CENPP: variants seen among roughly 807,000 people sequenced by gnomAD.
CENPP encodes the protein centromere protein P.
Under a neutral mutation model 35.6 loss-of-function variants are expected in CENPP, and 24 were observed. The ratio of observed to expected loss-of-function variants is 0.67; its 90% CI spans 0.49 to 0.95. The LOEUF (loss-of-function observed/expected upper bound fraction) is 0.95, where lower values mean the gene tolerates loss of function less well. Among genes scored for constraint, CENPP ranks in the 40% least tolerant of loss-of-function variants. The pLI, the probability that CENPP is intolerant of heterozygous loss-of-function variation, is 0.00. For missense variants in CENPP, 332 were observed against 345.3 expected (o/e 0.96, Z 0.31); for synonymous variants, 120 against 125.5 (o/e 0.96, Z 0.29).
intron 5 of CENPP, chr9:92,416,647 G>T: frequency 6.3e-7 from 1 of 1,594,586 alleles, no homozygotes; most frequent in Non-Finnish European, 8.5e-7. Flanking sequence ...GTAGGTATAG[G>T]TGTTCCAAAT....
intron 5 of CENPP, among the ~76,000 whole-genome samples, chr9:92,533,345 A>ATATATATATATATATATATATATATATG (rs1848975677): frequency 7.8e-6 from 1 of 128,248 alleles, no homozygotes; most frequent in Non-Finnish European, 1.6e-5. Context: ...ATATATATAT[A>ATATATATATATATATATATATATATATG]TATATATATA....
At position 92,345,804 on chromosome 9, in the gene CENPP, A is replaced by G; in HGVS notation, c.467+17A>G. On this transcript the variant is annotated intron_variant, in intron 4 of 7. Transcript: ENST00000375587. ...TGTGTCTAGGTAAGCTATTTTACAA[A>G]CTTACTTTTTTAGAGAAAAAAAGTA... The G allele has an allele frequency of 6.7e-7, 1 of 1,501,546 alleles. No individual in the cohort carries two copies. The highest frequency in any genetic ancestry group is 9.2e-7 in the Non-Finnish European group (1 of 1,088,148). The allele number at this position is 1,501,546 out of a possible 1,614,324, so 93.0% of individuals were successfully genotyped here. A position where few individuals can be genotyped will look rare whatever the true frequency, so the allele number is the denominator to read the frequency against.
chr9:92,382,777 C>G (rs750916441), intron 5 of CENPP, among the ~76,000 whole-genome samples: 8 of 150,048 alleles, frequency 5.3e-5, no homozygotes, highest in Non-Finnish European at 8.9e-5. Flanking sequence ...ACTGAATGGT[C>G]TTTGTACTTT....
chr9:92,423,021 A>ATGAT (rs3996296), intron 5 of CENPP, among the ~76,000 whole-genome samples: 67,083 of 151,656 alleles, frequency 0.44, 17,036 homozygotes, highest in African/African-American at 0.7. Context: ...TGTTGAATGA[A>ATGAT]TAAGTTAATA....
At chr9:92,352,505 G>GTGTGTATATATATATATATA in intron 4 of CENPP, among the ~76,000 whole-genome samples, 5 of 49,786 alleles carry the variant, frequency 1.0e-4, no homozygotes, top group African/African-American at 5.4e-4. Context: ...GTGTGTGTGT[G>GTGTGTATATATATATATATA]TATACATATA....
At chr9:92,350,636 G>T (rs571083727) in intron 4 of CENPP, among the ~76,000 whole-genome samples, 1 of 152,128 alleles carries the variant, frequency 6.6e-6, no homozygotes, top group Non-Finnish European at 1.5e-5. Flanking sequence ...GCCTTTAAGC[G>T]TGAATGAACT....
intron 5 of CENPP, among the ~76,000 whole-genome samples, chr9:92,443,053 C>T (rs1382519232): frequency 1.3e-5 from 2 of 151,954 alleles, no homozygotes; most frequent in African/African-American, 4.8e-5. Flanking sequence ...TATACTGGAG[C>T]TCCTAGCAGT....
At chr9:92,536,050 T>C (rs1378417153) in intron 5 of CENPP, 5 of 500,866 alleles carry the variant, frequency 1.0e-5, no homozygotes, top group Non-Finnish European at 2.0e-5. Context: ...TGTTGAAAAG[T>C]ATTTGCTGAA....
chr9:92,468,744 G>T (rs540945551), intron 5 of CENPP, among the ~76,000 whole-genome samples: 3 of 152,274 alleles, frequency 2.0e-5, no homozygotes, highest in South Asian at 4.1e-4. Context: ...AGTACACCTG[G>T]TCAGTCTGCT....
chr9:92,394,062 A>G (rs1030597254), intron 5 of CENPP, among the ~76,000 whole-genome samples: 1 of 152,156 alleles, frequency 6.6e-6, no homozygotes, highest in Non-Finnish European at 1.5e-5. Context: ...CTGGTGTGAC[A>G]TTGTACTTTC....
At chr9:92,367,441 A>G (rs189216920) in intron 4 of CENPP, among the ~76,000 whole-genome samples, 2 of 152,240 alleles carry the variant, frequency 1.3e-5, no homozygotes, top group Admixed American at 1.3e-4. Context: ...TTCTGGGATT[A>G]CAGGCGTGAG....
intron 5 of CENPP, among the ~76,000 whole-genome samples, chr9:92,449,273 C>T (rs1844633038): frequency 6.6e-6 from 1 of 151,642 alleles, no homozygotes. Context: ...AACCCCGTCT[C>T]TACTAAAAAT....
intron 5 of CENPP, among the ~76,000 whole-genome samples, chr9:92,554,431 C>T (rs1205662172): frequency 6.6e-6 from 1 of 152,176 alleles, no homozygotes; most frequent in East Asian, 1.9e-4. Context: ...GATCCACCCG[C>T]ATCACCCTCC....
chr9:92,385,773 T>G lies in CENPP; in HGVS notation c.564+5914T>G, dbSNP rs765557463. On this transcript the variant is annotated intron_variant, in intron 5 of 7. Transcript: ENST00000375587. ...CCTTGCAGAATGTGTCATCTGTAAT[T>G]GAAGCTATGTTGTTGAACTGAAAAA... is the stretch of plus-strand genomic sequence containing the variant. 1.2e-5 allele frequency: 19 copies of G among 1,614,012 alleles called. No homozygotes were observed. The African/African-American group carries it at 2.5e-4, about 22-fold the overall frequency.
chr9:92,406,313 G>C (rs746928751), intron 5 of CENPP, among the ~76,000 whole-genome samples: 10 of 152,148 alleles, frequency 6.6e-5, no homozygotes, highest in Non-Finnish European at 1.5e-4. Context: ...ATAGAGGTTG[G>C]ATTAAAGAAA....
intron 5 of CENPP, chr9:92,393,321 A>C: frequency 8.9e-7 from 1 of 1,120,264 alleles, no homozygotes; most frequent in Non-Finnish European, 1.3e-6. Flanking sequence ...AATTATTGCT[A>C]TTATGAATGC....
intron 5 of CENPP, among the ~76,000 whole-genome samples, chr9:92,546,395 A>G (rs556491822): frequency 6.6e-6 from 1 of 151,934 alleles, no homozygotes; most frequent in South Asian, 2.1e-4. Context: ...GCTGCTGCTC[A>G]CTCTTTGGGT....
At chr9:92,348,133 A>G (rs1441008364) in intron 4 of CENPP, among the ~76,000 whole-genome samples, 3 of 85,452 alleles carry the variant, frequency 3.5e-5, no homozygotes, top group Non-Finnish European at 5.0e-5. Flanking sequence ...TTTTTTGTGC[A>G]TTTTTGGTAG....
intron 4 of CENPP, among the ~76,000 whole-genome samples, chr9:92,375,468 G>GT (rs775224196): frequency 8.1e-4 from 121 of 150,218 alleles, no homozygotes; most frequent in Middle Eastern, 6.8e-3. Context: ...AATTTTTGTG[G>GT]TTTTTTTTTA....
Sources: gnomAD v4.1 joint callset for allele counts (sites outside exome capture counted in the v4.1 genomes callset) on GRCh38, gnomAD v4.1.1 for gene constraint, MANE v1.5 for transcripts, NCBI Gene and HGNC (gene_info 2026-07-23, HGNC 2026-07-21) for gene names.